The following ACSM4 variants were observed in gnomAD, a reference collection of about 807,000 sequenced individuals.
ACSM4 encodes acyl-coenzyme A synthetase ACSM4, mitochondrial.
Under a neutral mutation model 73.0 loss-of-function variants are expected in ACSM4, and 66 were observed. That is an observed-to-expected ratio of 0.90 (90% CI 0.74 to 1.11). The LOEUF is 1.11. Ranked by LOEUF, ACSM4 falls within the 50% of genes least tolerant of loss-of-function variation. ACSM4 has a pLI of 0.00. For missense variants in ACSM4, 645 were observed against 714.4 expected (o/e 0.90, Z 1.11); for synonymous variants, 222 against 254.0 (o/e 0.87, Z 1.20).
intron 1 of ACSM4, 111 bp from the exon 2 acceptor site, chr12:7,306,422 T>A: frequency 9.9e-7 from 1 of 1,014,940 alleles, no homozygotes; most frequent in Non-Finnish European, 1.5e-6. Context: ...CAGGGCGCTG[T>A]TAGCAGAATG....
At position 7,317,149 on chromosome 12, in the gene ACSM4, A is replaced by G. The variant is rs371284410; in HGVS notation, c.633A>G (p.Glu211=). 80 of 1,611,194 alleles carry G rather than the reference A, an allele frequency of 5.0e-5. 1 individual carries two copies. The highest frequency in any genetic ancestry group is 5.9e-5 in the Non-Finnish European group (70 of 1,178,900). ...CCATATTTTGCAGATTCGCCTCTGA[A>G]GAGCACAGCTGTGTGGAAACAGGAA... ...SFQELFQFAS[E]EHSCVETGSQ... Residue 211 remains glutamate, a synonymous_variant, in exon 4 of 13, where the codon GAA becomes GAG. Transcript: ENST00000399422.
Position 7,318,089 on chromosome 12 carries a change from G to C in ACSM4, c.828G>C (p.Lys276Asn), listed in dbSNP as rs369296117. The change falls in exon 5 of 13, where the codon AAG becomes AAC. Residue 276 changes from lysine (K) to asparagine (N), a missense_variant. Physicochemically the swap from Lys to Asn is moderately conservative, Grantham distance 94. Coordinates refer to ENST00000399422, the MANE Select transcript of ACSM4 (RefSeq NM_001080454.2). ...ATATGTCTGACACGGGCTGGGTCAA[G>C]GCCGCCATTGGCAGTGTGTTTTCTT... ...IWNMSDTGWV[K>N]AAIGSVFSSW... 27 of 1,613,722 alleles carry C rather than the reference G, an allele frequency of 1.7e-5. No individual in the cohort carries two copies. In the African/African-American group the frequency reaches 2.4e-4, roughly 14 times the overall value.
chr12:7,328,555 G>C lies in ACSM4; in HGVS notation c.*182G>C. 5.3e-6 allele frequency: 2 copies of C among 375,016 alleles called. No individual in the cohort carries two copies. Among genetic ancestry groups the C allele is most frequent in the South Asian group, 6.4e-5 (2 of 31,334 alleles). The allele number at this position is 375,016 out of a possible 1,614,324, so 23.2% of individuals were successfully genotyped here. A position where few individuals can be genotyped will look rare whatever the true frequency, so the allele number is the denominator to read the frequency against. ...AAAAGTAAATAAAAGCCTCAAAAAC[G>C]TATGGATGAAAATTGTTATAATGAC... On this transcript the variant is annotated 3_prime_UTR_variant, in exon 13 of 13. Transcript: ENST00000399422.
chr12:7,314,216 T>C (rs1222890323), intron 3 of ACSM4, among the ~76,000 whole-genome samples: 1 of 152,118 alleles, frequency 6.6e-6, no homozygotes, highest in East Asian at 1.9e-4. Context: ...GTACCATCAG[T>C]TGGAGAAAGA....
chr12:7,323,861 A>G (rs891400431), intron 9 of ACSM4, among the ~76,000 whole-genome samples: 2 of 152,150 alleles, frequency 1.3e-5, no homozygotes, highest in Non-Finnish European at 2.9e-5. Flanking sequence ...TGTATTTTAT[A>G]TTACAAACTA....
chr12:7,308,053 G>T (rs1946371020), intron 2 of ACSM4, among the ~76,000 whole-genome samples: 1 of 152,108 alleles, frequency 6.6e-6, no homozygotes, highest in African/African-American at 2.4e-5. Context: ...TAGTTGAGGT[G>T]TGTGTGTATA....
intron 5 of ACSM4, 113 bp downstream of exon 5, chr12:7,318,295 T>C: frequency 7.2e-7 from 1 of 1,395,676 alleles, no homozygotes; most frequent in Admixed American, 2.4e-5. Flanking sequence ...TGGAAATCAT[T>C]TCTTTATACA....
Position 7,320,784 on chromosome 12 carries a change from C to T in ACSM4, c.981C>T (p.Leu327=), listed in dbSNP as rs372999373. The T allele has an allele frequency of 1.1e-5, 17 of 1,613,438 alleles. No homozygotes were observed. The highest frequency in any genetic ancestry group is 1.7e-5 in the Admixed American group (1 of 59,972). The part of the protein sequence containing the change: ...LCSPPTVYRM[L]VQKDLKRYKF... ...GTCCTCCCACTGTGTACCGGATGCT[C>T]GTGCAAAAAGACCTTAAGAGGTACT... The change falls in exon 6 of 13, where the codon CTC becomes CTT. Residue 327 remains leucine, a synonymous_variant. Transcript: ENST00000399422.
Position 7,324,305 on chromosome 12 carries a change from A to C in ACSM4, c.1341A>C (p.Arg447Ser), listed in dbSNP as rs897686049. ...DNPQKTAATI[R>S]GDFYVTGDRG... is the part of the protein sequence containing the mutation. ...CACAGAAAACTGCTGCCACGATAAGAGGAGATTTTTATGTCACTGGAGACA... is the reference window on the plus strand; with the variant it reads ...CACAGAAAACTGCTGCCACGATAAGCGGAGATTTTTATGTCACTGGAGACA... Residue 447 changes from arginine (R) to serine (S), a missense_variant, in exon 10 of 13, where the codon AGA (arginine) becomes AGC (serine). Physicochemically the swap from Arg to Ser is moderately radical, Grantham distance 110. Transcript: ENST00000399422. 2.5e-6 allele frequency: 4 copies of C among 1,613,576 alleles called. No individual in the cohort carries two copies. Among genetic ancestry groups the C allele is most frequent in the Non-Finnish European group, 3.4e-6 (4 of 1,179,816 alleles).
rs1381656476 is a variant in ACSM4, at chr12:7,304,178, T to C, written c.-154T>C. ...GCTCTGAGGAAGGATGAGGTGTTTT[T>C]CAGGTGTTCCCCAACTTGCCAGGGA... On this transcript the variant is annotated 5_prime_UTR_variant, in exon 1 of 13. Transcript: ENST00000399422. The C allele has an allele frequency of 4.0e-6, 3 of 751,204 alleles. No homozygotes were observed. The highest frequency in any genetic ancestry group is 1.8e-5 in the African/African-American group (1 of 57,124). 46.5% of individuals were successfully genotyped at this position (751,204 alleles called of 1,614,324 possible).
chr12:7,313,455 G>A (rs1029147826), intron 3 of ACSM4, among the ~76,000 whole-genome samples: 2 of 152,166 alleles, frequency 1.3e-5, no homozygotes, highest in Non-Finnish European at 2.9e-5. Context: ...CAGCAATAAT[G>A]TGGGCTAATT....
At chr12:7,306,925 T>C (rs1319194516) in intron 2 of ACSM4, among the ~76,000 whole-genome samples, 182 bp downstream of exon 2, 1 of 150,204 alleles carries the variant, frequency 6.7e-6, no homozygotes, top group Admixed American at 6.6e-5. Context: ...GGTATTAGTG[T>C]GATAACCATT....
At chr12:7,324,123 T>C in intron 9 of ACSM4, 150 bp from the exon 10 acceptor site, 1 of 921,714 alleles carries the variant, frequency 1.1e-6, no homozygotes, top group Non-Finnish European at 1.6e-6. Context: ...GGCTGCAGGC[T>C]CCAGTCTAGG....
Position 7,317,172 on chromosome 12 carries a change from G to C in ACSM4, c.656G>C (p.Gly219Ala). The C allele has an allele frequency of 1.2e-6, 2 of 1,612,886 alleles. No individual in the cohort carries two copies. Among genetic ancestry groups the C allele is most frequent in the Non-Finnish European group, 1.7e-6 (2 of 1,179,502 alleles). Reference sequence around the variant, plus strand: ...GAAGAGCACAGCTGTGTGGAAACAGGAAGTCAAGAACCAATGACCATTTAT... The same window carrying C: ...GAAGAGCACAGCTGTGTGGAAACAGCAAGTCAAGAACCAATGACCATTTAT... ...ASEEHSCVET[G>A]SQEPMTIYFT... Residue 219 changes from glycine (G) to alanine (A), a missense_variant, in exon 4 of 13, where the codon GGA becomes GCA. Coordinates refer to ENST00000399422, the MANE Select transcript of ACSM4 (RefSeq NM_001080454.2).
chr12:7,318,463 AAAT>A lies in ACSM4; in HGVS notation c.921+284_921+286del, dbSNP rs1404455849. Reference sequence around the variant, plus strand: ...TGTAGCTACTTAAGAAACTGGTTCTAAATAACAGATTAGGAGTCTGAAGTCTAA... The same window carrying A: ...TGTAGCTACTTAAGAAACTGGTTCTAAACAGATTAGGAGTCTGAAGTCTAA... On this transcript the variant is annotated intron_variant, in intron 5 of 12. Coordinates refer to ENST00000399422, the MANE Select transcript of ACSM4 (RefSeq NM_001080454.2). The A allele has an allele frequency of 2.6e-5, 9 of 344,258 alleles. No individual in the cohort carries two copies. In the South Asian group the frequency reaches 2.7e-4, roughly 10 times the overall value. 21.3% of individuals were successfully genotyped at this position (344,258 alleles called of 1,614,324 possible).
chr12:7,322,556 C>T lies in ACSM4; in HGVS notation c.1125+15C>T, dbSNP rs767795103. On this transcript the variant is annotated intron_variant, in intron 7 of 12. Transcript: ENST00000399422. ...AGACGGAAGTGGTATATCTAAAGGG[C>T]ATTTATGTTTAGTATATGTGGGGGC... 6.2e-7 allele frequency: 1 copy of T among 1,607,728 alleles called. No individual in the cohort carries two copies. The highest frequency in any genetic ancestry group is 1.7e-5 in the Admixed American group (1 of 59,172).
chr12:7,306,398 CT>C, intron 1 of ACSM4, 134 bp from the exon 2 acceptor site: 1 of 812,552 alleles, frequency 1.2e-6, no homozygotes, highest in East Asian at 2.7e-5. Context: ...GGGCAGTTCC[CT>C]CAAAGACGAA....
At chr12:7,311,849 CT>C (rs909528905) in intron 3 of ACSM4, among the ~76,000 whole-genome samples, 2 of 152,166 alleles carry the variant, frequency 1.3e-5, no homozygotes, top group South Asian at 2.1e-4. Flanking sequence ...GCCACCACCC[CT>C]GGCTCATTTT....
Position 7,324,580 on chromosome 12 carries a change from A to G in ACSM4, c.1518A>G (p.Pro506=), listed in dbSNP as rs1275096180. 3 of 1,613,874 alleles carry G rather than the reference A, an allele frequency of 1.9e-6. No individual in the cohort carries two copies. Among genetic ancestry groups the G allele is most frequent in the African/African-American group, 1.3e-5 (1 of 74,928 alleles). ...TTGAATCGGCTGTTGTCAGTAGTCC[A>G]GATCAAATCCGCGGAGAGGTAGATG... ...AVVESAVVSS[P]DQIRGEVVKA... Residue 506 remains proline, a synonymous_variant, in exon 11 of 13, where the codon CCA becomes CCG. Coordinates refer to ENST00000399422, the MANE Select transcript of ACSM4 (RefSeq NM_001080454.2).
Sources: gnomAD v4.1 joint callset for allele counts (sites outside exome capture counted in the v4.1 genomes callset) on GRCh38, gnomAD v4.1.1 for gene constraint, MANE v1.5 for transcripts, NCBI Gene and HGNC (gene_info 2026-07-23, HGNC 2026-07-21) for gene names.